TOR1AIP1: variants seen among roughly 807,000 people sequenced by gnomAD.
TOR1AIP1 encodes the protein torsin-1A-interacting protein 1.
A neutral mutation model predicts 63.3 loss-of-function variants in TOR1AIP1; 54 were observed. The ratio of observed to expected loss-of-function variants is 0.85; its 90% CI spans 0.69 to 1.07. The LOEUF is 1.07. Among genes scored for constraint, TOR1AIP1 ranks in the 50% least tolerant of loss-of-function variants. The probability of loss-of-function intolerance (pLI) is 0.00; values close to 1 mark genes in which losing one functional copy is unlikely to be tolerated. For synonymous variants in TOR1AIP1, 294 were observed against 273.5 expected (o/e 1.07, Z -0.74); for missense variants, 736 against 715.0 (o/e 1.03, Z -0.33).
intron 6 of TOR1AIP1, 70 bp downstream of exon 6, chr1:179,904,092 C>T (rs767261650): frequency 8.4e-7 from 1 of 1,193,108 alleles, no homozygotes; most frequent in Non-Finnish European, 1.2e-6. Context: ...TTTGAAGATC[C>T]TCTTTTGAAA....
chr1:179,913,577 T>A (rs1434528546), intron 8 of TOR1AIP1: 1 of 702,410 alleles, frequency 1.4e-6, no homozygotes, highest in Non-Finnish European at 2.6e-6. Flanking sequence ...ATTTTCCCCC[T>A]CTTTACAGCA....
At chr1:179,903,362 C>G (rs1648525191) in intron 5 of TOR1AIP1, among the ~76,000 whole-genome samples, 1 of 152,128 alleles carries the variant, frequency 6.6e-6, no homozygotes, top group Admixed American at 6.5e-5. Context: ...TTTCAAGATG[C>G]TCCACTGTTG....
rs772733249 is a variant in TOR1AIP1 at position 179,882,685 on chromosome 1, C to A, written c.183C>A (p.Asp61Glu). Reference sequence around the variant, plus strand: ...GCCGGCGGGAAGTGAGGTTCTCGGACGAGCCGCCAGAAGTGTACGGCGACT... The same window carrying A: ...GCCGGCGGGAAGTGAGGTTCTCGGAAGAGCCGCCAGAAGTGTACGGCGACT... Reference protein sequence around the residue: ...RQGRREVRFSDEPPEVYGDFE... With the variant: ...RQGRREVRFSEEPPEVYGDFE... Residue 61 changes from aspartate to glutamate, a missense_variant, in exon 1 of 10, where the codon GAC (aspartate) becomes GAA (glutamate). By Grantham distance (45) the Asp-to-Glu change is conservative. Transcript: ENST00000606911. 6.2e-7 allele frequency: 1 copy of A among 1,603,886 alleles called. No homozygotes were observed. Among genetic ancestry groups the A allele is most frequent in the East Asian group, 2.2e-5 (1 of 44,764 alleles).
intron 5 of TOR1AIP1, among the ~76,000 whole-genome samples, 187 bp downstream of exon 5, chr1:179,901,575 A>G (rs540414731): frequency 1.3e-5 from 2 of 152,340 alleles, no homozygotes; most frequent in East Asian, 1.9e-4. Context: ...CATGATATCT[A>G]AACAAATCAC....
chr1:179,913,502 A>C (rs1648901744), intron 8 of TOR1AIP1: 2 of 691,032 alleles, frequency 2.9e-6, no homozygotes, highest in Non-Finnish European at 5.2e-6. Context: ...AGTGAGGATT[A>C]AGATTTTTAT....
intron 6 of TOR1AIP1, 79 bp from the exon 7 acceptor site, chr1:179,907,744 C>A: frequency 8.9e-7 from 1 of 1,120,830 alleles, no homozygotes; most frequent in Non-Finnish European, 1.3e-6. Context: ...CCACAGTAAA[C>A]AAGCAAAATG....
rs557182937 is a variant in TOR1AIP1 at position 179,903,608 on chromosome 1, G to A, written c.740-358G>A. ...CTGCACCTCTGTCTCCCTGGTTCAAGCAGTTCTCCTGCCCTAAGGCCTCCC... is the reference window on the plus strand; with the variant it reads ...CTGCACCTCTGTCTCCCTGGTTCAAACAGTTCTCCTGCCCTAAGGCCTCCC... On this transcript the variant is annotated intron_variant, in intron 5 of 9. Transcript: ENST00000606911. Among the ~76,000 whole-genome samples the A allele has an allele frequency of 2.0e-3, 296 of 151,702 alleles. 3 individuals are homozygous for A. Among genetic ancestry groups the A allele is most frequent in the Middle Eastern group, 6.8e-3 (2 of 294 alleles).
At chr1:179,902,171 G>A (rs1434399947) in intron 5 of TOR1AIP1, among the ~76,000 whole-genome samples, 1 of 151,082 alleles carries the variant, frequency 6.6e-6, no homozygotes, top group African/African-American at 2.4e-5. Flanking sequence ...GATTACAGGT[G>A]CGCACCACCA....
In TOR1AIP1 at chr1:179,918,270, A is replaced by C. The variant is rs763829149; in HGVS notation, c.*31A>C. On this transcript the variant is annotated 3_prime_UTR_variant, in exon 10 of 10. Coordinates refer to ENST00000606911, the MANE Select transcript of TOR1AIP1 (RefSeq NM_015602.4). ...GAGAGAGAAGAAAAATCATGTCCCA[A>C]GTTCTGAGAATTGTTCACACTTTCT... 4 of 1,543,402 alleles carry C rather than the reference A, an allele frequency of 2.6e-6. No homozygotes were observed. Among genetic ancestry groups the C allele is most frequent in the South Asian group, 1.2e-5 (1 of 81,882 alleles).
intron 8 of TOR1AIP1, chr1:179,913,572 C>A (rs1359917872): frequency 1.4e-6 from 1 of 702,352 alleles, no homozygotes; most frequent in South Asian, 1.5e-5. Context: ...TCCTTATTTT[C>A]CCCCTCTTTA....
chr1:179,907,290 ATGGTGGTGCACACC>A (rs1290468819), intron 6 of TOR1AIP1, among the ~76,000 whole-genome samples: 1 of 151,618 alleles, frequency 6.6e-6, no homozygotes, highest in East Asian at 2.0e-4. Flanking sequence ...TTGGTCAGGC[ATGGTGGTGCACACC>A]TGTAATCCCA....
rs11402539 is a variant in TOR1AIP1, at chr1:179,917,347, C to CT, written c.965-101dup. 1.4e-3 allele frequency: 1,358 copies of CT among 963,574 alleles called. 12 individuals are homozygous for CT. The African/African-American group carries it at 0.021, about 15-fold the overall frequency. 59.7% of individuals were successfully genotyped at this position (963,574 alleles called of 1,614,324 possible). A position where few individuals can be genotyped will look rare whatever the true frequency, so the allele number is the denominator to read the frequency against. ...AGCTTTCTTCTTTAAAGTCCTTCCT[C>CT]TTTTACCTAATGTTTATAAAGACTG... On this transcript the variant is annotated intron_variant, in intron 9 of 9. Transcript: ENST00000606911.
At chr1:179,900,755 A>G (rs1648432641) in intron 4 of TOR1AIP1, among the ~76,000 whole-genome samples, 2 of 152,200 alleles carry the variant, frequency 1.3e-5, no homozygotes, top group African/African-American at 4.8e-5. Flanking sequence ...AATATTTTCT[A>G]TTATGGTATT....
intron 7 of TOR1AIP1, 93 bp downstream of exon 7, chr1:179,907,957 C>T: frequency 2.3e-6 from 2 of 862,670 alleles, no homozygotes; most frequent in Middle Eastern, 4.2e-4. Context: ...TGCTCTGTCG[C>T]CCAGGCTGGA....
intron 3 of TOR1AIP1, among the ~76,000 whole-genome samples, chr1:179,896,366 C>T (rs547104843): frequency 6.6e-6 from 1 of 152,158 alleles, no homozygotes; most frequent in East Asian, 1.9e-4. Flanking sequence ...CAACCTCCGC[C>T]TCAAAGTGCT....
rs745682480 is a variant in TOR1AIP1, at chr1:179,917,895, A to C, written c.1408A>C (p.Lys470Gln). Residue 470 changes from lysine to glutamine, a missense_variant, in exon 10 of 10, where the codon AAG becomes CAG. This residue lies in a region of TOR1AIP1 where 272 missense variants were observed against 344.1 expected (regional missense o/e 0.79). Coordinates refer to ENST00000606911, the MANE Select transcript of TOR1AIP1 (RefSeq NM_015602.4). ...EVDQELSNGF[K>Q]NGQNAAVVHR... ...AGACCAAGAACTGAGCAATGGATTTAAGAATGGCCAGAATGCAGCTGTGGT... is the reference window on the plus strand; with the variant it reads ...AGACCAAGAACTGAGCAATGGATTTCAGAATGGCCAGAATGCAGCTGTGGT... The C allele has an allele frequency of 6.2e-7, 1 of 1,614,232 alleles. No homozygotes were observed. The highest frequency in any genetic ancestry group is 8.5e-7 in the Non-Finnish European group (1 of 1,180,052).
rs34218138 is a variant in TOR1AIP1, at chr1:179,907,913, C to CTTTTTTT, written c.838+64_838+70dup. 9.3e-4 allele frequency: 331 copies of CTTTTTTT among 356,668 alleles called. 2 individuals are homozygous for CTTTTTTT. The highest frequency in any genetic ancestry group is 3.5e-3 in the South Asian group (83 of 23,760). The allele number at this position is 356,668 out of a possible 1,614,324, so 22.1% of individuals were successfully genotyped here. A position where few individuals can be genotyped will look rare whatever the true frequency, so the allele number is the denominator to read the frequency against. ...TTTTTCAGCCAATCAATTCTTTTCT[C>CTTTTTTT]TTTTTTTTTTTTTTTTTTTTTGAGA... On this transcript the variant is annotated intron_variant, in intron 7 of 9. Coordinates refer to ENST00000606911, the MANE Select transcript of TOR1AIP1 (RefSeq NM_015602.4).
Position 179,882,988 on chromosome 1 carries a change from C to G in TOR1AIP1, c.475+11C>G. On this transcript the variant is annotated intron_variant, in intron 1 of 9. Coordinates refer to ENST00000606911, the MANE Select transcript of TOR1AIP1 (RefSeq NM_015602.4). ...CTCATTCCTCTGAAGGTGAGGACCGCGGAGGTAACAGTCCCAGCCGCGAGC... is the reference window on the plus strand; with the variant it reads ...CTCATTCCTCTGAAGGTGAGGACCGGGGAGGTAACAGTCCCAGCCGCGAGC... 6.2e-7 allele frequency: 1 copy of G among 1,601,316 alleles called. No homozygotes were observed. Among genetic ancestry groups the G allele is most frequent in the Non-Finnish European group, 8.5e-7 (1 of 1,174,856 alleles).
chr1:179,907,595 A>ATATATATATATATATATG (rs1220193943), intron 6 of TOR1AIP1, among the ~76,000 whole-genome samples: 19 of 9,330 alleles, frequency 2.0e-3, no homozygotes, highest in African/African-American at 3.8e-3. Flanking sequence ...CACACACTTT[A>ATATATATATATATATATG]TATATATATA....
Sources: gnomAD v4.1 joint callset for allele counts (sites outside exome capture counted in the v4.1 genomes callset) on GRCh38, gnomAD v4.1.1 for gene constraint, gnomAD v4.1.1 regional missense constraint, MANE v1.5 for transcripts, NCBI Gene and HGNC (gene_info 2026-07-23, HGNC 2026-07-21) for gene names.